CRAMP1: variants seen among roughly 807,000 people sequenced by gnomAD.
The protein encoded by CRAMP1 is cramped chromatin regulator 1.
In CRAMP1, 50 loss-of-function variants were observed where a neutral mutation model predicts 115.4. The ratio of observed to expected loss-of-function variants is 0.43; its 90% CI spans 0.35 to 0.55. CRAMP1 has a LOEUF of 0.55. Ranked by LOEUF, CRAMP1 falls within the 20% of genes least tolerant of loss-of-function variation. The pLI, the probability that CRAMP1 is intolerant of heterozygous loss-of-function variation, is 0.01. For synonymous variants in CRAMP1, 866 were observed against 745.4 expected, an observed-to-expected ratio of 1.16 and a Z score of -2.64; for missense variants, 1,679 against 1,721.7, an observed-to-expected ratio of 0.98 and a Z score of 0.44.
rs140145490 is a variant in CRAMP1 at position 1,662,124 on chromosome 16, T to A, written c.2414-366T>A. Among the ~76,000 whole-genome samples the A allele has an allele frequency of 4.2e-3, 634 of 152,334 alleles. 5 individuals carry two copies. Among genetic ancestry groups the A allele is most frequent in the African/African-American group, 0.014 (597 of 41,580 alleles). On this transcript the variant is annotated intron_variant, in intron 11 of 20. Transcript: ENST00000397412. Reference sequence around the variant, plus strand: ...GTGGTCTACAGAGTGGACATTGGTTTTCTGGCCCTTCACCAGGAAAGTTGA... The same window carrying A: ...GTGGTCTACAGAGTGGACATTGGTTATCTGGCCCTTCACCAGGAAAGTTGA...
chr16:1,659,005 G>A lies in CRAMP1; in HGVS notation c.2236-881G>A, dbSNP rs1446114865. 2.0e-5 allele frequency among the ~76,000 whole-genome samples: 3 copies of A among 152,098 alleles called. No homozygotes were observed. In the South Asian group the frequency reaches 6.2e-4, roughly 32 times the overall value. ...CAGGGACCCCAGGACTCGGCAGCAGGCTCTGCAGGCTGTGGCGTGGGCCTG... is the reference window on the plus strand; with the variant it reads ...CAGGGACCCCAGGACTCGGCAGCAGACTCTGCAGGCTGTGGCGTGGGCCTG... On this transcript the variant is annotated intron_variant, in intron 10 of 20. Coordinates refer to ENST00000397412, the MANE Select transcript of CRAMP1 (RefSeq NM_020825.4).
intron 11 of CRAMP1, among the ~76,000 whole-genome samples, chr16:1,662,165 C>T (rs976084491): frequency 6.6e-6 from 1 of 152,162 alleles, no homozygotes; most frequent in African/African-American, 2.4e-5. Flanking sequence ...TTCTGGTCTC[C>T]CCTGGAGACA....
chr16:1,630,550 C>T (rs560229196), intron 3 of CRAMP1, among the ~76,000 whole-genome samples: 2 of 152,300 alleles, frequency 1.3e-5, no homozygotes, highest in South Asian at 2.1e-4. Flanking sequence ...TTAGGGCAGC[C>T]GCACTGTGAG....
intron 4 of CRAMP1, among the ~76,000 whole-genome samples, chr16:1,632,874 A>G (rs1329936366): frequency 6.6e-6 from 1 of 152,232 alleles, no homozygotes; most frequent in African/African-American, 2.4e-5. Flanking sequence ...CTTCTGGCTC[A>G]GAGCACCCTT....
intron 9 of CRAMP1, 102 bp downstream of exon 9, chr16:1,655,402 G>C: frequency 1.1e-6 from 1 of 932,274 alleles, no homozygotes; most frequent in Non-Finnish European, 1.8e-6. Context: ...GGTCCCCGTG[G>C]GCAGAACAGC....
Position 1,659,933 on chromosome 16 carries a change from G to C in CRAMP1, c.2283G>C (p.Gln761His). 1 of 1,612,716 alleles carries C rather than the reference G, an allele frequency of 6.2e-7. No homozygotes were observed. The highest frequency in any genetic ancestry group is 8.5e-7 in the Non-Finnish European group (1 of 1,179,864). ...TISTASVRPAQEEQSMTPPGK... is the reference protein window; with the variant it reads ...TISTASVRPAHEEQSMTPPGK... ...CTACAGCCTCAGTAAGGCCCGCCCA[G>C]GAGGAGCAGTCGATGACGCCCCCAG... The change falls in exon 11 of 21, where the codon CAG becomes CAC. Residue 761 changes from glutamine to histidine, a missense_variant. By Grantham distance (24) the Gln-to-His change is conservative (BLOSUM62 0). This residue lies in a region of CRAMP1 where 709 missense variants were observed against 741.9 expected (regional missense o/e 0.96). Transcript: ENST00000397412.
intron 6 of CRAMP1, among the ~76,000 whole-genome samples, chr16:1,648,834 G>A (rs185533404): frequency 2.7e-3 from 406 of 152,176 alleles, no homozygotes; most frequent in African/African-American, 9.2e-3. Flanking sequence ...CGAGGCGGGC[G>A]GATCACGAGG....
intron 17 of CRAMP1, 109 bp downstream of exon 17, chr16:1,667,509 G>A (rs1484246635): frequency 3.6e-6 from 3 of 836,946 alleles, no homozygotes; most frequent in Non-Finnish European, 5.9e-6. Context: ...CTCCTAGACT[G>A]TGCAGTGGCT....
chr16:1,656,708 C>T lies in CRAMP1; in HGVS notation c.1951C>T (p.Pro651Ser). The change falls in exon 10 of 21, where the codon CCG (proline) becomes TCG (serine). Residue 651 changes from proline to serine, a missense_variant. By Grantham distance (74) the Pro-to-Ser change is moderately conservative (BLOSUM62 -1). Transcript: ENST00000397412. The surrounding 1 kb of genome is among the most constrained non-coding windows in gnomAD (Gnocchi z 5.6). ...GAAGGGGAGCCCCGCGGGGCCTCCG[C>T]CGTCTCAGGGACAGCCTGCCGCCAG... ...QEKGSPAGPP[P>S]SQGQPAARPP... 1 of 1,555,516 alleles carries T rather than the reference C, an allele frequency of 6.4e-7. No individual in the cohort carries two copies. Among genetic ancestry groups the T allele is most frequent in the Non-Finnish European group, 8.7e-7 (1 of 1,150,314 alleles).
At chr16:1,637,934 C>T in intron 5 of CRAMP1, 27 bp downstream of exon 5, 1 of 1,262,844 alleles carries the variant, frequency 7.9e-7, no homozygotes, top group Non-Finnish European at 1.1e-6. Context: ...TGGGGTTGCC[C>T]ACGGCTCCTC....
rs983509180 is a variant in CRAMP1 at position 1,672,165 on chromosome 16, C to A, written c.3645+1356C>A. Among the ~76,000 whole-genome samples the A allele has an allele frequency of 6.6e-6, 1 of 152,184 alleles. No homozygotes were observed. The highest frequency in any genetic ancestry group is 1.5e-5 in the Non-Finnish European group (1 of 68,038). ...ACAGGAGCCCCTTGGAGTCAGAAAT[C>A]CAGAGTGTTAGCCTCACCCCAATCA... On this transcript the variant is annotated intron_variant, in intron 20 of 20. Coordinates refer to ENST00000397412, the MANE Select transcript of CRAMP1 (RefSeq NM_020825.4). This position sits in a 1 kb window ranked among gnomAD's most constrained non-coding sequence, Gnocchi z 4.9.
In CRAMP1 at chr16:1,653,106, C is replaced by G; in HGVS notation, c.987C>G (p.Asn329Lys). The stretch of plus-strand genomic sequence containing the variant: ...TCCCTATAGAGCTACAGCCGCGGAA[C>G]AACCACGCCTGGGCCCGTGTGCAGA... ...LKVPIELQPR[N>K]NHAWARVQSL... Residue 329 changes from asparagine (N) to lysine (K), a missense_variant, in exon 8 of 21, where the codon AAC (asparagine) becomes AAG (lysine). Coordinates refer to ENST00000397412, the MANE Select transcript of CRAMP1 (RefSeq NM_020825.4). 1.2e-6 allele frequency: 2 copies of G among 1,612,320 alleles called. No homozygotes were observed. Among genetic ancestry groups the G allele is most frequent in the East Asian group, 2.2e-5 (1 of 44,862 alleles).
chr16:1,618,659 A>C (rs1322881771), intron 2 of CRAMP1, among the ~76,000 whole-genome samples: 1 of 152,216 alleles, frequency 6.6e-6, no homozygotes. Flanking sequence ...ACGACTGTGC[A>C]CAATTTACTC....
chr16:1,640,761 G>T lies in CRAMP1; in HGVS notation c.779-378G>T, dbSNP rs539977538. 2.0e-5 allele frequency among the ~76,000 whole-genome samples: 3 copies of T among 152,294 alleles called. No homozygotes were observed. The East Asian group carries it at 5.8e-4, about 29-fold the overall frequency. ...ACGAGCCCAGCAGGAAGTGTGCGTG[G>T]GCAGGTGTGGTGCCTGCAGGAAGCA... is the stretch of plus-strand genomic sequence containing the variant. On this transcript the variant is annotated intron_variant, in intron 5 of 20. Transcript: ENST00000397412.
chr16:1,663,512 T>C (rs3178656), intron 13 of CRAMP1, among the ~76,000 whole-genome samples: 24,651 of 152,218 alleles, frequency 0.16, 2,908 homozygotes, highest in African/African-American at 0.32. Flanking sequence ...CAAACTAAGA[T>C]CAGGGTTGAA....
intron 2 of CRAMP1, among the ~76,000 whole-genome samples, chr16:1,620,988 G>T (rs2036461419): frequency 1.3e-5 from 2 of 152,052 alleles, no homozygotes; most frequent in African/African-American, 4.8e-5. Flanking sequence ...TTTCTAAAAT[G>T]GAGATAACTA....
intron 10 of CRAMP1, among the ~76,000 whole-genome samples, chr16:1,658,338 T>C (rs1288413203): frequency 6.6e-6 from 1 of 151,922 alleles, no homozygotes; most frequent in Non-Finnish European, 1.5e-5. Context: ...ACAGTGTCTT[T>C]AGAAGGCTTT....
chr16:1,651,175 G>A (rs1427216630), intron 6 of CRAMP1, among the ~76,000 whole-genome samples: 8 of 151,084 alleles, frequency 5.3e-5, no homozygotes, highest in Non-Finnish European at 4.4e-5. Context: ...CTGAGGTCAC[G>A]GAGAGGTGGA....
chr16:1,661,323 GTCCTGGC>G (rs1175833192), intron 11 of CRAMP1, among the ~76,000 whole-genome samples: 2 of 151,456 alleles, frequency 1.3e-5, no homozygotes, highest in Non-Finnish European at 2.9e-5. Flanking sequence ...CGGGTGAGAG[GTCCTGGC>G]CTCCTGGGTG....
Sources: allele counts gnomAD v4.1 joint callset (sites outside exome capture counted in the v4.1 genomes callset), GRCh38; gene constraint gnomAD v4.1.1; regional missense constraint gnomAD v4.1.1; non-coding constraint Gnocchi (gnomAD v3.1); transcripts MANE v1.5; gene names NCBI Gene and HGNC (gene_info 2026-07-23, HGNC 2026-07-21).